The following NPLOC4 variants were observed in gnomAD, a reference collection of about 807,000 sequenced individuals.
The protein encoded by NPLOC4 is NPL4 homolog, ubiquitin recognition factor.
A neutral mutation model predicts 80.6 loss-of-function variants in NPLOC4; 18 were observed. The observed-to-expected ratio is 0.22, with a 90% CI of 0.15 to 0.33. NPLOC4 has a LOEUF of 0.33. Ranked by LOEUF, NPLOC4 falls within the 10% of genes least tolerant of loss-of-function variation. The probability of loss-of-function intolerance (pLI) is 1.00; values close to 1 mark genes in which losing one functional copy is unlikely to be tolerated. For synonymous variants in NPLOC4, 313 were observed against 301.5 expected, an observed-to-expected ratio of 1.04 and a Z score of -0.39; for missense variants, 540 against 786.1, an observed-to-expected ratio of 0.69 and a Z score of 3.74.
chr17:81,628,884 CT>C (rs34905643), intron 2 of NPLOC4, among the ~76,000 whole-genome samples: 98 of 145,268 alleles, frequency 6.7e-4, no homozygotes, highest in Middle Eastern at 3.5e-3. Context: ...ACAATTCATA[CT>C]TTTTTTTTTT....
chr17:81,611,727 G>A (rs1390553239), intron 4 of NPLOC4, among the ~76,000 whole-genome samples: 3 of 151,704 alleles, frequency 2.0e-5, no homozygotes, highest in South Asian at 2.1e-4. Flanking sequence ...TTGGGAGGCC[G>A]AGGCGGGTGG....
intron 2 of NPLOC4, 120 bp downstream of exon 2, chr17:81,629,605 T>C (rs1325021648): frequency 1.1e-5 from 8 of 751,578 alleles, no homozygotes; most frequent in Admixed American, 4.3e-5. Context: ...AGAAAGGCAA[T>C]GCAAGAGGCA....
chr17:81,627,815 A>G lies in NPLOC4; in HGVS notation c.96+1910T>C, dbSNP rs140432578. Among the ~76,000 whole-genome samples the G allele has an allele frequency of 3.7e-3, 569 of 152,246 alleles. 1 individual carries two copies. The highest frequency in any genetic ancestry group is 0.02 in the Middle Eastern group (6 of 294). On this transcript the variant is annotated intron_variant, in intron 2 of 16. Coordinates refer to ENST00000331134, the MANE Select transcript of NPLOC4 (RefSeq NM_017921.4). ...GCCAGGTATTGTGGTGCACACCTGT[A>G]ATCCCAGCTACTTGGGAGGCTGAGG...
chr17:81,594,294 A>AAAAAC (rs2034834160), intron 11 of NPLOC4, among the ~76,000 whole-genome samples: 1 of 150,608 alleles, frequency 6.6e-6, no homozygotes, highest in Non-Finnish European at 1.5e-5. Flanking sequence ...AAAAAAAAAA[A>AAAAAC]AAAAAAAAAA....
At chr17:81,628,934 A>G (rs766104710) in intron 2 of NPLOC4, among the ~76,000 whole-genome samples, 8 of 149,026 alleles carry the variant, frequency 5.4e-5, no homozygotes, top group Non-Finnish European at 8.9e-5. Context: ...GCTGGAGTGC[A>G]GTGGCGCGAT....
intron 1 of NPLOC4, chr17:81,636,555 G>A (rs1422030974): frequency 9.7e-6 from 2 of 206,350 alleles, no homozygotes; most frequent in Admixed American, 6.0e-5. Context: ...GAGAGGGGCA[G>A]GACTGGCTGG....
At chr17:81,585,670 G>GGC (rs2034562677) in intron 12 of NPLOC4, among the ~76,000 whole-genome samples, 1 of 142,458 alleles carries the variant, frequency 7.0e-6, no homozygotes, top group African/African-American at 2.7e-5. Flanking sequence ...CTGGGGGGGG[G>GGC]GGGAAAGAAA....
rs945862570 is a variant in NPLOC4, at chr17:81,558,268, G to A, written c.*991C>T. The A allele has an allele frequency of 6.6e-6, 1 of 152,340 alleles. No homozygotes were observed. Among genetic ancestry groups the A allele is most frequent in the Non-Finnish European group, 1.5e-5 (1 of 68,134 alleles). The allele number at this position is 152,340 out of a possible 1,614,324, so 9.4% of individuals were successfully genotyped here. A position where few individuals can be genotyped will look rare whatever the true frequency, so the allele number is the denominator to read the frequency against. On this transcript the variant is annotated 3_prime_UTR_variant, in exon 17 of 17. Coordinates refer to ENST00000331134, the MANE Select transcript of NPLOC4 (RefSeq NM_017921.4). The stretch of plus-strand genomic sequence containing the variant: ...AGCCCCTAACGCCCTCAGCCAGGCG[G>A]TGCAGTGGGACGAAGCAGCGTATTG...
intron 3 of NPLOC4, among the ~76,000 whole-genome samples, chr17:81,615,542 TC>T (rs2144264613): frequency 6.6e-6 from 1 of 152,154 alleles, no homozygotes; most frequent in South Asian, 2.1e-4. Context: ...GTAGAGGAAA[TC>T]CCCAGGGGAC....
At chr17:81,636,101 T>C (rs764185888) in intron 1 of NPLOC4, among the ~76,000 whole-genome samples, 5 of 152,006 alleles carry the variant, frequency 3.3e-5, no homozygotes, top group Admixed American at 2.0e-4. Context: ...GCCTCCCAAG[T>C]ATCTGGGATT....
intron 12 of NPLOC4, among the ~76,000 whole-genome samples, chr17:81,574,459 A>G (rs1037727695): frequency 1.5e-4 from 23 of 152,146 alleles, no homozygotes; most frequent in Admixed American, 1.5e-3. Flanking sequence ...CTAGGCCTAC[A>G]CACCATTTTA....
chr17:81,575,420 G>A (rs1378744779), intron 12 of NPLOC4, among the ~76,000 whole-genome samples: 1 of 152,190 alleles, frequency 6.6e-6, no homozygotes, highest in Non-Finnish European at 1.5e-5. Flanking sequence ...TTTCTTAAAA[G>A]CACCACTTAG....
intron 11 of NPLOC4, among the ~76,000 whole-genome samples, chr17:81,592,679 T>G (rs1463284263): frequency 6.6e-6 from 1 of 152,158 alleles, no homozygotes; most frequent in Non-Finnish European, 1.5e-5. Context: ...CATGGAATAA[T>G]TTCTCCACAG....
At chr17:81,585,383 G>A (rs1312653798) in intron 12 of NPLOC4, among the ~76,000 whole-genome samples, 2 of 151,994 alleles carry the variant, frequency 1.3e-5, no homozygotes, top group African/African-American at 4.8e-5. Context: ...AGAAATCAAG[G>A]CCGGGTGTGG....
At chr17:81,631,462 T>TCCCC (rs79975064) in intron 1 of NPLOC4, among the ~76,000 whole-genome samples, 1,675 of 123,830 alleles carry the variant, frequency 0.014, 52 homozygotes, top group East Asian at 0.028. Flanking sequence ...TTTTTTTTTT[T>TCCCC]CCCCCACGGC....
chr17:81,615,328 G>T (rs1457100972), intron 3 of NPLOC4, among the ~76,000 whole-genome samples: 1 of 151,908 alleles, frequency 6.6e-6, no homozygotes. Context: ...TCGAACTCCT[G>T]ACCTCAGGTG....
intron 1 of NPLOC4, among the ~76,000 whole-genome samples, chr17:81,631,441 T>TATATATATATACA (rs1285822446): frequency 1.7e-5 from 1 of 59,318 alleles, no homozygotes; most frequent in South Asian, 8.0e-4. Flanking sequence ...TATATATTTT[T>TATATATATATACA]TTTTTTTTTT....
intron 14 of NPLOC4, 120 bp downstream of exon 14, chr17:81,568,896 C>A: frequency 2.8e-6 from 2 of 705,046 alleles, no homozygotes; most frequent in East Asian, 5.3e-5. Context: ...CCCTAGCTGG[C>A]CTGTCACAAG....
chr17:81,614,622 C>T (rs61746623), intron 3 of NPLOC4, among the ~76,000 whole-genome samples: 3,385 of 152,238 alleles, frequency 0.022, 72 homozygotes, highest in African/African-American at 0.05. Context: ...AAGGTTGCCA[C>T]AAGTCACATC....
Sources: allele counts gnomAD v4.1 joint callset (sites outside exome capture counted in the v4.1 genomes callset), GRCh38; gene constraint gnomAD v4.1.1; transcripts MANE v1.5; gene names NCBI Gene and HGNC (gene_info 2026-07-23, HGNC 2026-07-21).